The following IMMP2L variants were observed in gnomAD, a reference collection of about 807,000 sequenced individuals.
IMMP2L encodes the protein inner mitochondrial membrane peptidase subunit 2, also known as mitochondrial inner membrane protease subunit 2.
A neutral mutation model predicts 19.3 loss-of-function variants in IMMP2L; 18 were observed. That is an observed-to-expected ratio of 0.93 (90% confidence interval 0.64 to 1.38). The LOEUF (loss-of-function observed/expected upper bound fraction) is 1.38, where lower values mean the gene tolerates loss of function less well. IMMP2L is among the 40% of genes most tolerant of loss of function. IMMP2L has a pLI of 0.00. For missense variants in IMMP2L, 233 were observed against 218.2 expected, an observed-to-expected ratio of 1.07 and a Z score of -0.43; for synonymous variants, 76 against 73.0, an observed-to-expected ratio of 1.04 and a Z score of -0.21.
rs2130803449 is a variant in IMMP2L at position 110,728,490 on chromosome 7, C to G, written c.409-64769G>C. Among the ~76,000 whole-genome samples the G allele has an allele frequency of 6.6e-6, 1 of 152,166 alleles. No individual in the cohort carries two copies. Among genetic ancestry groups the G allele is most frequent in the African/African-American group, 2.4e-5 (1 of 41,528 alleles). ...CTCCAGCCTGGGCAACAGAGTGAGACTCCGTCTCAAAAAAATAAATAAAAT... is the reference window on the plus strand; with the variant it reads ...CTCCAGCCTGGGCAACAGAGTGAGAGTCCGTCTCAAAAAAATAAATAAAAT... On this transcript the variant is annotated intron_variant, in intron 5 of 5. Coordinates refer to ENST00000405709, the MANE Select transcript of IMMP2L (RefSeq NM_032549.4). The surrounding 1 kb of genome is among the most constrained non-coding windows in gnomAD (Gnocchi z 4.6).
intron 5 of IMMP2L, among the ~76,000 whole-genome samples, chr7:110,682,119 T>C (rs576698758): frequency 1.3e-5 from 2 of 152,290 alleles, no homozygotes; most frequent in Admixed American, 6.5e-5. Flanking sequence ...ATCACTCTTA[T>C]GCCTCCTTGA....
In IMMP2L at chr7:111,365,237, G is replaced by T. The variant is rs182510402; in HGVS notation, c.239+122001C>A. 3.7e-3 allele frequency among the ~76,000 whole-genome samples: 556 copies of T among 152,156 alleles called. 4 individuals carry two copies. The highest frequency in any genetic ancestry group is 0.013 in the African/African-American group (529 of 41,550). On this transcript the variant is annotated intron_variant, in intron 3 of 5. Transcript: ENST00000405709. ...TTCCTGTACTTCACGAAAGATGTAG[G>T]AGAAATAAGTGATTATTTGAAACTG... is the stretch of plus-strand genomic sequence containing the variant.
intron 3 of IMMP2L, among the ~76,000 whole-genome samples, chr7:111,444,940 T>C (rs186541366): frequency 2.0e-3 from 307 of 152,260 alleles, no homozygotes; most frequent in African/African-American, 6.3e-3. Flanking sequence ...TACTTTAGAC[T>C]TACGTTTTTC....
At chr7:110,786,338 G>C (rs866560113) in intron 5 of IMMP2L, among the ~76,000 whole-genome samples, 4 of 151,972 alleles carry the variant, frequency 2.6e-5, no homozygotes, top group East Asian at 1.9e-4. Flanking sequence ...ATAATTTGCA[G>C]CAGTATTAAG....
At chr7:110,929,703 T>C (rs1471136533) in intron 4 of IMMP2L, among the ~76,000 whole-genome samples, 1 of 152,170 alleles carries the variant, frequency 6.6e-6, no homozygotes, top group Non-Finnish European at 1.5e-5. Context: ...AGCAGGCTCA[T>C]GACTTACAAG....
intron 5 of IMMP2L, among the ~76,000 whole-genome samples, chr7:110,738,164 A>C (rs778479510): frequency 7.2e-5 from 11 of 152,202 alleles, no homozygotes; most frequent in Non-Finnish European, 1.3e-4. Context: ...TAACATGCCC[A>C]AAAGATCACA....
chr7:111,015,069 A>G (rs1411512735), intron 3 of IMMP2L, among the ~76,000 whole-genome samples: 1 of 152,124 alleles, frequency 6.6e-6, no homozygotes, highest in African/African-American at 2.4e-5. Flanking sequence ...ACACAAAGGA[A>G]TGAAAACCAA....
intron 3 of IMMP2L, among the ~76,000 whole-genome samples, chr7:111,138,785 T>C (rs960293945): frequency 1.3e-5 from 2 of 152,182 alleles, no homozygotes; most frequent in Non-Finnish European, 2.9e-5. Flanking sequence ...GTTAGTTGTT[T>C]TGCCAGAAAA....
intron 3 of IMMP2L, among the ~76,000 whole-genome samples, chr7:111,344,943 C>T (rs1827385720): frequency 6.6e-6 from 1 of 152,000 alleles, no homozygotes; most frequent in Admixed American, 6.6e-5. Flanking sequence ...TGATAAATCT[C>T]TGGAGGAGAA....
chr7:110,725,891 A>G (rs1335244760), intron 5 of IMMP2L: 1 of 152,252 alleles, frequency 6.6e-6, no homozygotes, highest in East Asian at 1.9e-4. Context: ...GCTACTACTT[A>G]CATAGCACTT....
At chr7:111,142,180 G>C (rs1562846466) in intron 3 of IMMP2L, among the ~76,000 whole-genome samples, 2 of 151,982 alleles carry the variant, frequency 1.3e-5, no homozygotes. Context: ...ACAAAAATTA[G>C]CTGGGTGTGG....
chr7:110,819,354 G>C (rs994147690), intron 5 of IMMP2L, among the ~76,000 whole-genome samples: 7 of 151,952 alleles, frequency 4.6e-5, no homozygotes, highest in African/African-American at 1.4e-4. Flanking sequence ...AGCCCAAGCA[G>C]TTTCTATATG....
intron 3 of IMMP2L, among the ~76,000 whole-genome samples, chr7:111,323,288 T>C (rs936663381): frequency 4.0e-5 from 6 of 151,654 alleles, no homozygotes; most frequent in African/African-American, 1.5e-4. Context: ...TCAAACAAAT[T>C]TACAAGAAGA....
intron 3 of IMMP2L, among the ~76,000 whole-genome samples, chr7:111,299,317 C>T (rs935552555): frequency 1.7e-4 from 26 of 152,104 alleles, no homozygotes; most frequent in African/African-American, 5.5e-4. Context: ...AACATAGAAC[C>T]GGCCAGAATA....
intron 3 of IMMP2L, among the ~76,000 whole-genome samples, chr7:111,167,013 G>C (rs79810061): frequency 0.022 from 3,341 of 151,974 alleles, 109 homozygotes; most frequent in African/African-American, 0.072. Context: ...TCATTCGGAG[G>C]GGGGGCAGGT....
At chr7:111,234,285 C>T (rs955276743) in intron 3 of IMMP2L, among the ~76,000 whole-genome samples, 1 of 152,042 alleles carries the variant, frequency 6.6e-6, no homozygotes, top group Non-Finnish European at 1.5e-5. Flanking sequence ...AGATAATATT[C>T]TTTGTATGAT....
chr7:111,553,182 G>A (rs541684512), intron 1 of IMMP2L, among the ~76,000 whole-genome samples: 2 of 152,246 alleles, frequency 1.3e-5, no homozygotes, highest in East Asian at 3.9e-4. Flanking sequence ...TTTTACATAT[G>A]AGGCTCAGAG....
chr7:111,099,124 A>G (rs546729366), intron 3 of IMMP2L, among the ~76,000 whole-genome samples: 10 of 151,684 alleles, frequency 6.6e-5, no homozygotes, highest in African/African-American at 2.2e-4. Context: ...CTCTATCATC[A>G]TTTTTCCATC....
chr7:111,080,921 TA>T (rs2129576413), intron 3 of IMMP2L, among the ~76,000 whole-genome samples: 2 of 152,342 alleles, frequency 1.3e-5, no homozygotes, highest in East Asian at 3.9e-4. Context: ...CCATGATATC[TA>T]AACTGCTAAA....
Sources: allele counts gnomAD v4.1 joint callset (sites outside exome capture counted in the v4.1 genomes callset), GRCh38; gene constraint gnomAD v4.1.1; non-coding constraint Gnocchi (gnomAD v3.1); transcripts MANE v1.5; gene names NCBI Gene and HGNC (gene_info 2026-07-23, HGNC 2026-07-21).